NUP210: variants seen among roughly 807,000 people sequenced by gnomAD.
NUP210 encodes nuclear pore membrane glycoprotein 210.
In NUP210, 151 loss-of-function variants were observed where a neutral mutation model predicts 196.0. That is an observed-to-expected ratio of 0.77 (90% CI 0.67 to 0.88). The LOEUF (loss-of-function observed/expected upper bound fraction) is 0.88, where lower values mean the gene tolerates loss of function less well. Among genes scored for constraint, NUP210 ranks in the 40% least tolerant of loss-of-function variants. The pLI, the probability that NUP210 is intolerant of heterozygous loss-of-function variation, is 0.00. For missense variants in NUP210, 2,314 were observed against 2,493.7 expected, an observed-to-expected ratio of 0.93 and a Z score of 1.53; for synonymous variants, 1,070 against 1,052.7, an observed-to-expected ratio of 1.02 and a Z score of -0.32.
Position 13,388,011 on chromosome 3 carries a change from G to A in NUP210, c.684+292C>T, listed in dbSNP as rs561488369. ...CGGTGGGGGCACCAGTTGGAAACAG[G>A]TGAGTTACTGGAAACCTCCTGCTCT... On this transcript the variant is annotated intron_variant, in intron 5 of 39. Coordinates refer to ENST00000254508, the MANE Select transcript of NUP210 (RefSeq NM_024923.4). Among the ~76,000 whole-genome samples the A allele has an allele frequency of 1.8e-4, 27 of 152,076 alleles. 1 individual carries two copies. Among genetic ancestry groups the A allele is most frequent in the Admixed American group, 3.9e-4 (6 of 15,276 alleles).
At chr3:13,418,931 A>G (rs1187742195) in intron 1 of NUP210, among the ~76,000 whole-genome samples, 1 of 148,876 alleles carries the variant, frequency 6.7e-6, no homozygotes. Context: ...CATGGACGAC[A>G]AAGCAAAACT....
Position 13,416,071 on chromosome 3 carries a change from G to A in NUP210, c.167+3989C>T, listed in dbSNP as rs554544158. 5.9e-5 allele frequency among the ~76,000 whole-genome samples: 9 copies of A among 152,212 alleles called. No homozygotes were observed. In the East Asian group the frequency reaches 1.7e-3, roughly 29 times the overall value. Reference sequence around the variant, plus strand: ...CCCAAGGCCAAGCTCCACGGCATAGGGACCAGTGCCCTCCCTGGCCCTGAA... The same window carrying A: ...CCCAAGGCCAAGCTCCACGGCATAGAGACCAGTGCCCTCCCTGGCCCTGAA... On this transcript the variant is annotated intron_variant, in intron 1 of 39. Transcript: ENST00000254508.
intron 1 of NUP210, among the ~76,000 whole-genome samples, chr3:13,405,499 G>A (rs1274026792): frequency 6.6e-6 from 1 of 151,986 alleles, no homozygotes; most frequent in African/African-American, 2.4e-5. Context: ...ATATGAGGGG[G>A]TGTGTGTATA....
intron 12 of NUP210, among the ~76,000 whole-genome samples, chr3:13,373,098 C>T (rs1481386209): frequency 1.3e-5 from 2 of 152,162 alleles, no homozygotes; most frequent in African/African-American, 4.8e-5. Flanking sequence ...AGCTGGACTC[C>T]ATGGGACACC....
chr3:13,338,757 A>G (rs1697332819), intron 25 of NUP210, among the ~76,000 whole-genome samples: 1 of 152,148 alleles, frequency 6.6e-6, no homozygotes. Flanking sequence ...TGCCTTTCAG[A>G]TAGGGCTCGT....
intron 12 of NUP210, among the ~76,000 whole-genome samples, chr3:13,372,419 GT>G (rs1319613599): frequency 6.6e-6 from 1 of 152,162 alleles, no homozygotes; most frequent in African/African-American, 2.4e-5. Flanking sequence ...AGGAATCAGT[GT>G]TTACTGTGGC....
intron 28 of NUP210, 53 bp from the exon 29 acceptor site, chr3:13,332,437 G>A (rs1697035117): frequency 1.5e-6 from 2 of 1,366,562 alleles, no homozygotes; most frequent in South Asian, 1.2e-5. Flanking sequence ...TCACATTCAG[G>A]CCAGATGTCT....
At chr3:13,370,263 C>T (rs535255095) in intron 13 of NUP210, among the ~76,000 whole-genome samples, 1 of 152,326 alleles carries the variant, frequency 6.6e-6, no homozygotes, top group South Asian at 2.1e-4. Flanking sequence ...AGAAATTTGA[C>T]ACCACAGGAT....
intron 3 of NUP210, among the ~76,000 whole-genome samples, chr3:13,394,462 A>C (rs940951616): frequency 2.6e-5 from 4 of 152,250 alleles, no homozygotes; most frequent in Admixed American, 6.5e-5. Context: ...GATCCCAGCC[A>C]TGTGGGGAGG....
intron 16 of NUP210, among the ~76,000 whole-genome samples, chr3:13,356,663 T>C (rs1698182139): frequency 6.6e-6 from 1 of 151,940 alleles, no homozygotes; most frequent in African/African-American, 2.4e-5. Context: ...AAAACAAAAG[T>C]TCCCTAATGA....
At chr3:13,418,509 G>C (rs1700419441) in intron 1 of NUP210, among the ~76,000 whole-genome samples, 1 of 141,872 alleles carries the variant, frequency 7.0e-6, no homozygotes, top group South Asian at 2.1e-4. Context: ...AGCTGAGGCA[G>C]GTGGATCGCT....
At chr3:13,413,147 C>G (rs1700231869) in intron 1 of NUP210, among the ~76,000 whole-genome samples, 1 of 151,540 alleles carries the variant, frequency 6.6e-6, no homozygotes, top group Non-Finnish European at 1.5e-5. Flanking sequence ...TGCCGGTAGC[C>G]CCAGCTACTC....
At chr3:13,398,032 C>A (rs778263524) in intron 2 of NUP210, among the ~76,000 whole-genome samples, 1 of 152,180 alleles carries the variant, frequency 6.6e-6, no homozygotes, top group Non-Finnish European at 1.5e-5. Context: ...AGGATAGCAG[C>A]AAGAGATACA....
intron 25 of NUP210, 146 bp from the exon 26 acceptor site, chr3:13,338,063 CG>C: frequency 1.4e-6 from 1 of 722,062 alleles, no homozygotes; most frequent in Middle Eastern, 2.5e-4. Flanking sequence ...GCTCCTCTGC[CG>C]AGGGAGGCCT....
chr3:13,372,983 T>C (rs1243010674), intron 12 of NUP210, among the ~76,000 whole-genome samples: 1 of 152,102 alleles, frequency 6.6e-6, no homozygotes, highest in Admixed American at 6.5e-5. Flanking sequence ...AAGCCCCCTC[T>C]CCATGAGAAT....
chr3:13,356,141 C>T (rs769010854), intron 16 of NUP210, among the ~76,000 whole-genome samples: 1 of 152,182 alleles, frequency 6.6e-6, no homozygotes, highest in Non-Finnish European at 1.5e-5. Flanking sequence ...AGTGAGTGAG[C>T]CACACGCTAG....
intron 6 of NUP210, among the ~76,000 whole-genome samples, chr3:13,382,702 C>T (rs936256152): frequency 1.4e-4 from 21 of 152,210 alleles, no homozygotes; most frequent in African/African-American, 4.6e-4. Flanking sequence ...TCATCCAACG[C>T]AGAATGCTCT....
rs555540962 is a variant in NUP210, at chr3:13,420,298, C to CCG, written c.-74_-73dup. On this transcript the variant is annotated 5_prime_UTR_variant, in exon 1 of 40. Transcript: ENST00000254508. The surrounding 1 kb of genome is among the most constrained non-coding windows in gnomAD (Gnocchi z 4.8). ...CCGCCCCGTTGCCCTCCGCTCCCGC[C>CCG]CGCGCGCGCGCCAGGCCAGCAGGTG... is the stretch of plus-strand genomic sequence containing the variant. 1,200 of 965,876 alleles carry CCG rather than the reference C, an allele frequency of 1.2e-3. 1 individual carries two copies. Among genetic ancestry groups the CCG allele is most frequent in the African/African-American group, 5.8e-3 (326 of 56,544 alleles). The allele number at this position is 965,876 out of a possible 1,614,324, so 59.8% of individuals were successfully genotyped here.
chr3:13,373,652 TC>T, intron 12 of NUP210, 65 bp downstream of exon 12: 5 of 1,562,118 alleles, frequency 3.2e-6, no homozygotes, highest in Non-Finnish European at 3.5e-6. Flanking sequence ...CGAGGCTTGC[TC>T]AGAGGGGGCG....
Sources: allele counts gnomAD v4.1 joint callset (sites outside exome capture counted in the v4.1 genomes callset), GRCh38; gene constraint gnomAD v4.1.1; non-coding constraint Gnocchi (gnomAD v3.1); transcripts MANE v1.5; gene names NCBI Gene and HGNC (gene_info 2026-07-23, HGNC 2026-07-21).